Variants in BICC1 observed in about 807,000 individuals in gnomAD.
The protein encoded by BICC1 is protein bicaudal C homolog 1.
In BICC1, 43 loss-of-function variants were observed where a neutral mutation model predicts 111.0. That is an observed-to-expected ratio of 0.39 (90% confidence interval 0.30 to 0.50). The LOEUF (loss-of-function observed/expected upper bound fraction) is 0.50, where lower values mean the gene tolerates loss of function less well. Among genes scored for constraint, BICC1 ranks in the 20% least tolerant of loss-of-function variants. The probability of loss-of-function intolerance (pLI) is 0.88; values close to 1 mark genes in which losing one functional copy is unlikely to be tolerated. For missense variants in BICC1, 1,091 were observed against 1,203.2 expected (o/e 0.91, Z 1.38); for synonymous variants, 467 against 434.4 (o/e 1.07, Z -0.93).
At chr10:58,724,002 C>CATG (rs1309208053) in intron 3 of BICC1, among the ~76,000 whole-genome samples, 31 of 152,324 alleles carry the variant, frequency 2.0e-4, no homozygotes, top group Admixed American at 1.4e-3. Context: ...TTAGTGTCAA[C>CATG]ATGATGAGTT....
intron 2 of BICC1, among the ~76,000 whole-genome samples, chr10:58,687,925 T>G (rs1004441756): frequency 6.6e-6 from 1 of 152,180 alleles, no homozygotes; most frequent in Non-Finnish European, 1.5e-5. Flanking sequence ...ATTACCCATC[T>G]TCTGTCGCTC....
intron 1 of BICC1, among the ~76,000 whole-genome samples, chr10:58,609,819 GA>G (rs1460555484): frequency 6.6e-6 from 1 of 152,134 alleles, no homozygotes; most frequent in Non-Finnish European, 1.5e-5. Flanking sequence ...ATTAAACTAT[GA>G]ACATTGTTTA....
intron 1 of BICC1, among the ~76,000 whole-genome samples, chr10:58,553,711 C>T (rs3999635): frequency 1.7e-4 from 25 of 151,274 alleles, no homozygotes; most frequent in East Asian, 1.2e-3. Flanking sequence ...GTTTTTTTTT[C>T]GGGGGGGCTA....
intron 2 of BICC1, among the ~76,000 whole-genome samples, chr10:58,698,802 AT>A (rs1288066571): frequency 2.0e-5 from 3 of 152,218 alleles, no homozygotes; most frequent in African/African-American, 7.2e-5. Context: ...AATAGATACG[AT>A]AAAGGATTTT....
At chr10:58,741,848 G>A (rs1356862258) in intron 3 of BICC1, among the ~76,000 whole-genome samples, 1 of 152,184 alleles carries the variant, frequency 6.6e-6, no homozygotes, top group Non-Finnish European at 1.5e-5. Context: ...TTTAGTTTGA[G>A]TGACCATGGC....
At chr10:58,754,348 T>C (rs1022143520) in intron 3 of BICC1, among the ~76,000 whole-genome samples, 5 of 152,234 alleles carry the variant, frequency 3.3e-5, no homozygotes, top group Non-Finnish European at 2.9e-5. Context: ...TTTGATTCAG[T>C]TGAATAGTAC....
Position 58,710,750 on chromosome 10 carries a change from T to G in BICC1, c.307+8607T>G, listed in dbSNP as rs957595741. On this transcript the variant is annotated intron_variant, in intron 3 of 20. Transcript: ENST00000373886. Reference sequence around the variant, plus strand: ...TTACATGTATATGTGTGTGTGTGGTTTTTTTCTGTATGTGTGGTTGAAATC... The same window carrying G: ...TTACATGTATATGTGTGTGTGTGGTGTTTTTCTGTATGTGTGGTTGAAATC... Among the ~76,000 whole-genome samples, 6 of 152,200 alleles carry G rather than the reference T, an allele frequency of 3.9e-5. 1 individual carries two copies. Among genetic ancestry groups the G allele is most frequent in the East Asian group, 3.8e-4 (2 of 5,196 alleles).
intron 2 of BICC1, among the ~76,000 whole-genome samples, chr10:58,670,870 A>T (rs1242212111): frequency 6.6e-6 from 1 of 152,120 alleles, no homozygotes; most frequent in Non-Finnish European, 1.5e-5. Flanking sequence ...AAAAGGAAGG[A>T]CCTACTGACA....
intron 2 of BICC1, among the ~76,000 whole-genome samples, chr10:58,670,732 C>T (rs530999320): frequency 5.1e-4 from 78 of 152,216 alleles, no homozygotes; most frequent in African/African-American, 1.8e-3. Context: ...AATGGAAATA[C>T]CTAGCAAGTA....
intron 2 of BICC1, among the ~76,000 whole-genome samples, chr10:58,685,463 A>G (rs1203677611): frequency 1.3e-5 from 2 of 152,078 alleles, no homozygotes; most frequent in Non-Finnish European, 2.9e-5. Flanking sequence ...TGTTGACAGT[A>G]GGGTGTTAAA....
intron 1 of BICC1, among the ~76,000 whole-genome samples, chr10:58,602,037 T>C (rs1402510492): frequency 7.2e-5 from 11 of 152,172 alleles, no homozygotes; most frequent in Admixed American, 7.2e-4. Flanking sequence ...ATTACCTTTT[T>C]AGAAGGACTT....
intron 1 of BICC1, among the ~76,000 whole-genome samples, chr10:58,583,049 A>T (rs1844324678): frequency 6.6e-6 from 1 of 151,966 alleles, no homozygotes; most frequent in African/African-American, 2.4e-5. Flanking sequence ...GAATTCCATC[A>T]CCCCACCCTA....
At chr10:58,763,159 T>A (rs1457717062) in intron 3 of BICC1, among the ~76,000 whole-genome samples, 6 of 152,164 alleles carry the variant, frequency 3.9e-5, no homozygotes, top group African/African-American at 1.4e-4. Context: ...AGATTGACCA[T>A]CCCTTCCAGG....
intron 1 of BICC1, among the ~76,000 whole-genome samples, chr10:58,522,590 A>G (rs1188680039): frequency 6.6e-6 from 1 of 152,204 alleles, no homozygotes; most frequent in African/African-American, 2.4e-5. Flanking sequence ...CTAAATGCCC[A>G]CAAGAGAAAG....
At chr10:58,580,940 A>G (rs868713845) in intron 1 of BICC1, among the ~76,000 whole-genome samples, 1 of 151,964 alleles carries the variant, frequency 6.6e-6, no homozygotes, top group African/African-American at 2.4e-5. Context: ...TTATGTGACA[A>G]CCTTTGTATT....
intron 2 of BICC1, among the ~76,000 whole-genome samples, chr10:58,687,992 G>A (rs1236029790): frequency 2.0e-5 from 3 of 152,076 alleles, no homozygotes; most frequent in African/African-American, 7.2e-5. Context: ...AACCTCCCCC[G>A]AGTGTTACAG....
intron 1 of BICC1, among the ~76,000 whole-genome samples, chr10:58,586,254 C>T (rs1448628217): frequency 6.6e-6 from 1 of 152,120 alleles, no homozygotes; most frequent in African/African-American, 2.4e-5. Flanking sequence ...TGCTACATTT[C>T]AGATATTGTC....
chr10:58,559,461 C>T (rs1449444100), intron 1 of BICC1, among the ~76,000 whole-genome samples: 2 of 151,892 alleles, frequency 1.3e-5, no homozygotes, highest in Non-Finnish European at 2.9e-5. Flanking sequence ...TGTCCTACAC[C>T]TTTATTAAAT....
intron 1 of BICC1, among the ~76,000 whole-genome samples, chr10:58,524,663 T>C (rs1842481891): frequency 6.6e-6 from 1 of 151,930 alleles, no homozygotes. Context: ...AAGGACTTCA[T>C]GTCTAAAACA....
Sources: gnomAD v4.1 joint callset for allele counts (sites outside exome capture counted in the v4.1 genomes callset) on GRCh38, gnomAD v4.1.1 for gene constraint, MANE v1.5 for transcripts, NCBI Gene and HGNC (gene_info 2026-07-23, HGNC 2026-07-21) for gene names.